KCNJ6: variants seen among roughly 807,000 people sequenced by gnomAD.
KCNJ6 encodes the protein G protein-activated inward rectifier potassium channel 2.
In KCNJ6, 9 loss-of-function variants were observed where a neutral mutation model predicts 34.2. The ratio of observed to expected loss-of-function variants is 0.26; its 90% CI spans 0.16 to 0.46. The LOEUF is 0.46. Among genes scored for constraint, KCNJ6 ranks in the 20% least tolerant of loss-of-function variants. The pLI, the probability that KCNJ6 is intolerant of heterozygous loss-of-function variation, is 1.00. For synonymous variants in KCNJ6, 196 were observed against 207.1 expected (o/e 0.95, Z 0.46); for missense variants, 236 against 531.3 (o/e 0.44, Z 5.46).
rs1026787434 is a variant in KCNJ6, at chr21:37,685,195, G to A, written c.946+29016C>T. ...ATGCTAGAAAACACGAATGACACCCGTTTTCACTTATCCTACTGGCAAAGA... is the reference window on the plus strand; with the variant it reads ...ATGCTAGAAAACACGAATGACACCCATTTTCACTTATCCTACTGGCAAAGA... On this transcript the variant is annotated intron_variant, in intron 3 of 3. Coordinates refer to ENST00000609713, the MANE Select transcript of KCNJ6 (RefSeq NM_002240.5). Among the ~76,000 whole-genome samples, 85 of 151,968 alleles carry A rather than the reference G, an allele frequency of 5.6e-4. 1 individual carries two copies. The highest frequency in any genetic ancestry group is 1.8e-3 in the African/African-American group (75 of 41,404).
At chr21:37,719,801 G>A (rs536615043) in intron 2 of KCNJ6, among the ~76,000 whole-genome samples, 3 of 152,166 alleles carry the variant, frequency 2.0e-5, no homozygotes, top group Admixed American at 6.5e-5. Flanking sequence ...ACAGCTGGGC[G>A]GAGCCTTGTC....
rs1430550283 is a variant in KCNJ6, at chr21:37,609,169, C to A, written c.*15990G>T. The A allele has an allele frequency of 6.6e-6, 1 of 152,148 alleles. No individual in the cohort carries two copies. The highest frequency in any genetic ancestry group is 1.5e-5 in the Non-Finnish European group (1 of 68,022). 9.4% of individuals were successfully genotyped at this position (152,148 alleles called of 1,614,324 possible). Reference sequence around the variant, plus strand: ...TTTCTTTTGGGAAGATGTGCGTTCTCTAGGTGTGGATATTGGAGTTGGCAC... The same window carrying A: ...TTTCTTTTGGGAAGATGTGCGTTCTATAGGTGTGGATATTGGAGTTGGCAC... On this transcript the variant is annotated 3_prime_UTR_variant, in exon 4 of 4. Transcript: ENST00000609713.
At chr21:37,878,038 T>C (rs2055687725) in intron 1 of KCNJ6, among the ~76,000 whole-genome samples, 1 of 152,230 alleles carries the variant, frequency 6.6e-6, no homozygotes, top group South Asian at 2.1e-4. Context: ...TAGGAATGGA[T>C]GACTAAATGG....
chr21:37,782,207 A>C (rs1439034143), intron 2 of KCNJ6, among the ~76,000 whole-genome samples: 1 of 152,140 alleles, frequency 6.6e-6, no homozygotes, highest in African/African-American at 2.4e-5. Context: ...AGCCTCTAGA[A>C]GCTGGAAAAG....
intron 2 of KCNJ6, among the ~76,000 whole-genome samples, chr21:37,744,528 A>G (rs2054957559): frequency 6.6e-6 from 1 of 152,198 alleles, no homozygotes; most frequent in Admixed American, 6.5e-5. Context: ...GAAAAGGGCA[A>G]CAAAACTGGC....
intron 1 of KCNJ6, among the ~76,000 whole-genome samples, chr21:37,855,024 T>C (rs763310237): frequency 6.6e-6 from 1 of 152,216 alleles, no homozygotes; most frequent in Non-Finnish European, 1.5e-5. Flanking sequence ...TCAATGTTTA[T>C]AGAATTTGCC....
chr21:37,891,901 C>G (rs951879681), intron 1 of KCNJ6, among the ~76,000 whole-genome samples: 14 of 151,810 alleles, frequency 9.2e-5, no homozygotes, highest in East Asian at 7.7e-4. Context: ...TTGATGGTCT[C>G]AAGTGTGGGA....
At chr21:37,872,416 C>A (rs769362752) in intron 1 of KCNJ6, among the ~76,000 whole-genome samples, 2 of 152,160 alleles carry the variant, frequency 1.3e-5, no homozygotes, top group African/African-American at 4.8e-5. Context: ...TCTGTGTCAC[C>A]GGCATTAGTT....
At chr21:37,848,028 T>C (rs1022669074) in intron 1 of KCNJ6, among the ~76,000 whole-genome samples, 2 of 151,968 alleles carry the variant, frequency 1.3e-5, no homozygotes, top group Non-Finnish European at 2.9e-5. Context: ...AGGCTTGGTG[T>C]GAGAAGAAGA....
At chr21:37,764,026 AG>A (rs2055079021) in intron 2 of KCNJ6, among the ~76,000 whole-genome samples, 1 of 152,228 alleles carries the variant, frequency 6.6e-6, no homozygotes, top group African/African-American at 2.4e-5. Context: ...ATGTTTGTCT[AG>A]GAGTAGAACC....
chr21:37,674,896 G>A (rs151308580), intron 3 of KCNJ6, among the ~76,000 whole-genome samples: 2 of 152,292 alleles, frequency 1.3e-5, no homozygotes, highest in Admixed American at 1.3e-4. Context: ...ATAAATGAAT[G>A]AATGAATAAT....
At position 37,611,011 on chromosome 21, in the gene KCNJ6, A is replaced by G. The variant is rs2054241083; in HGVS notation, c.*14148T>C. The G allele has an allele frequency of 6.6e-6, 1 of 152,194 alleles. No homozygotes were observed. The highest frequency in any genetic ancestry group is 3.2e-3 in the Middle Eastern group (1 of 316). 9.4% of individuals were successfully genotyped at this position (152,194 alleles called of 1,614,324 possible). A position where few individuals can be genotyped will look rare whatever the true frequency, so the allele number is the denominator to read the frequency against. ...ATTAGATTAAAAATTCACGAAATTG[A>G]AAATAGGAAATCAATAAAATAAATA... On this transcript the variant is annotated 3_prime_UTR_variant, in exon 4 of 4. Coordinates refer to ENST00000609713, the MANE Select transcript of KCNJ6 (RefSeq NM_002240.5).
chr21:37,829,889 AT>A (rs2055417128), intron 2 of KCNJ6, among the ~76,000 whole-genome samples: 1 of 152,218 alleles, frequency 6.6e-6, no homozygotes, highest in Admixed American at 6.5e-5. Flanking sequence ...GAAAGGCAAA[AT>A]GAGTGAGAAA....
chr21:37,784,076 C>T (rs756729744), intron 2 of KCNJ6, among the ~76,000 whole-genome samples: 1 of 152,214 alleles, frequency 6.6e-6, no homozygotes, highest in South Asian at 2.1e-4. Flanking sequence ...CGTGAGCTGA[C>T]TCCTACAGCT....
intron 2 of KCNJ6, among the ~76,000 whole-genome samples, chr21:37,793,545 CAAAAAAAA>C (rs954872713): frequency 5.0e-5 from 1 of 19,870 alleles, no homozygotes; most frequent in African/African-American, 1.7e-4. Flanking sequence ...GACTCCATCT[CAAAAAAAA>C]AAAAAAAAAA....
chr21:37,914,965 T>C (rs988862677), intron 1 of KCNJ6, among the ~76,000 whole-genome samples: 1 of 151,890 alleles, frequency 6.6e-6, no homozygotes, highest in Admixed American at 6.6e-5. Context: ...GCGGAATTCT[T>C]TGGAAAATTC....
chr21:37,715,910 G>A (rs2054788063), intron 2 of KCNJ6, among the ~76,000 whole-genome samples: 2 of 152,132 alleles, frequency 1.3e-5, no homozygotes, highest in Admixed American at 1.3e-4. Context: ...CCCATTCTGT[G>A]ATATTTTATT....
chr21:37,897,238 C>T (rs749806098), intron 1 of KCNJ6, among the ~76,000 whole-genome samples: 6 of 152,202 alleles, frequency 3.9e-5, no homozygotes, highest in Non-Finnish European at 7.3e-5. Flanking sequence ...CCCATTGGTG[C>T]GTGGACTCCT....
chr21:37,706,682 A>T (rs544814613), intron 3 of KCNJ6, among the ~76,000 whole-genome samples: 1 of 152,270 alleles, frequency 6.6e-6, no homozygotes, highest in African/African-American at 2.4e-5. Context: ...CATTCTTTCT[A>T]TGTAAACAGA....
Sources: allele counts gnomAD v4.1 joint callset (sites outside exome capture counted in the v4.1 genomes callset), GRCh38; gene constraint gnomAD v4.1.1; transcripts MANE v1.5; gene names NCBI Gene and HGNC (gene_info 2026-07-23, HGNC 2026-07-21).